OTUD7A: variants seen among roughly 807,000 people sequenced by gnomAD.
The protein encoded by OTUD7A is OTU domain-containing protein 7A.
A neutral mutation model predicts 65.7 loss-of-function variants in OTUD7A; 12 were observed. The observed-to-expected ratio is 0.18, with a 90% CI of 0.12 to 0.30. OTUD7A has a LOEUF of 0.30. OTUD7A is among the 10% of genes least tolerant of loss of function. The pLI is 1.00. For missense variants in OTUD7A, 1,148 were observed against 1,304.8 expected, an observed-to-expected ratio of 0.88 and a Z score of 1.85; for synonymous variants, 641 against 586.3, an observed-to-expected ratio of 1.09 and a Z score of -1.35.
chr15:31,805,842 T>G (rs1896256542), intron 1 of OTUD7A, among the ~76,000 whole-genome samples: 1 of 152,108 alleles, frequency 6.6e-6, no homozygotes, highest in Non-Finnish European at 1.5e-5. Flanking sequence ...ATTTAATCAA[T>G]TAACACAAAC....
At chr15:31,829,955 G>A (rs987273277) in intron 1 of OTUD7A, among the ~76,000 whole-genome samples, 6 of 152,102 alleles carry the variant, frequency 3.9e-5, no homozygotes, top group East Asian at 1.9e-4. Context: ...CCTTCTCTTT[G>A]TCTTTCTCAT....
chr15:31,559,172 C>T lies in OTUD7A; in HGVS notation c.347G>A (p.Arg116Gln), dbSNP rs1566919799. 4 of 1,613,108 alleles carry T rather than the reference C, an allele frequency of 2.5e-6. No homozygotes were observed. Among genetic ancestry groups the T allele is most frequent in the East Asian group, 2.2e-5 (1 of 44,878 alleles). ...DDIAQEKRLS[R>Q]GISHASSAIV... ...GGCTGAGCTGGCGTGGGAAATCCCCCGGGAAAGCCGCTTTTCTGCAGGGGG... is the reference window on the plus strand; with the variant it reads ...GGCTGAGCTGGCGTGGGAAATCCCCTGGGAAAGCCGCTTTTCTGCAGGGGG... Residue 116 changes from arginine to glutamine, a missense_variant, in exon 5 of 13, where the codon CGG becomes CAG. Arg to Gln is a conservative substitution (Grantham distance 43). Around this residue, in one of 6 missense-constraint regions of OTUD7A, gnomAD observed 134 missense variants for 252.6 expected, o/e 0.53. Coordinates refer to ENST00000307050, the MANE Select transcript of OTUD7A (RefSeq NM_001382637.1).
intron 3 of OTUD7A, among the ~76,000 whole-genome samples, chr15:31,619,393 T>C (rs528571187): frequency 6.6e-6 from 1 of 152,252 alleles, no homozygotes; most frequent in African/African-American, 2.4e-5. Flanking sequence ...ATATTGATTC[T>C]TCCTATCCAT....
intron 1 of OTUD7A, among the ~76,000 whole-genome samples, chr15:31,832,711 T>C (rs188767332): frequency 2.9e-4 from 44 of 152,362 alleles, no homozygotes; most frequent in African/African-American, 9.4e-4. Flanking sequence ...GTGTTTTTTG[T>C]GACTGGCTTA....
At chr15:31,625,054 T>A (rs903865158) in intron 3 of OTUD7A, among the ~76,000 whole-genome samples, 1 of 152,196 alleles carries the variant, frequency 6.6e-6, no homozygotes, top group African/African-American at 2.4e-5. Context: ...TGTCGCTTTA[T>A]CTCTCCCTCA....
chr15:31,740,376 G>GT (rs1894307975), intron 1 of OTUD7A, among the ~76,000 whole-genome samples: 1 of 151,928 alleles, frequency 6.6e-6, no homozygotes, highest in Non-Finnish European at 1.5e-5. Context: ...GCTGCCTCAT[G>GT]CTAGAGCTCA....
intron 3 of OTUD7A, among the ~76,000 whole-genome samples, chr15:31,640,049 T>G (rs1437640017): frequency 6.6e-6 from 1 of 152,236 alleles, no homozygotes; most frequent in East Asian, 1.9e-4. Context: ...TTATGGATTG[T>G]TCATGGGGTA....
chr15:31,820,600 T>C (rs1896654285), intron 1 of OTUD7A, among the ~76,000 whole-genome samples: 2 of 152,214 alleles, frequency 1.3e-5, no homozygotes, highest in Admixed American at 6.5e-5. Flanking sequence ...TTGCTCTCTC[T>C]GCCTGCCTGC....
At chr15:31,727,785 C>T (rs1893933626) in intron 1 of OTUD7A, among the ~76,000 whole-genome samples, 1 of 152,198 alleles carries the variant, frequency 6.6e-6, no homozygotes, top group Non-Finnish European at 1.5e-5. Context: ...ACATTCTCCT[C>T]TGTTGCTGCA....
At chr15:31,673,261 GA>G (rs1892524969) in intron 1 of OTUD7A, among the ~76,000 whole-genome samples, 1 of 152,150 alleles carries the variant, frequency 6.6e-6, no homozygotes, top group South Asian at 2.1e-4. Flanking sequence ...TCTAAATTTG[GA>G]CTAGTTTGTA....
intron 1 of OTUD7A, among the ~76,000 whole-genome samples, chr15:31,657,669 G>T (rs1034902415): frequency 1.3e-5 from 2 of 151,866 alleles, no homozygotes; most frequent in African/African-American, 4.8e-5. Context: ...CTTTCCAGAT[G>T]TATTTCTTAA....
intron 5 of OTUD7A, among the ~76,000 whole-genome samples, chr15:31,548,123 G>A (rs1014697455): frequency 6.7e-6 from 1 of 148,904 alleles, no homozygotes; most frequent in Non-Finnish European, 1.5e-5. Context: ...ACAGGACTTG[G>A]GGATCAGTCA....
chr15:31,754,419 A>T (rs1010581486), intron 1 of OTUD7A, among the ~76,000 whole-genome samples: 4 of 152,332 alleles, frequency 2.6e-5, no homozygotes, highest in African/African-American at 9.6e-5. Flanking sequence ...GCTCTTGGTC[A>T]TGAAATCCTT....
intron 1 of OTUD7A, among the ~76,000 whole-genome samples, chr15:31,769,490 T>C (rs1003249088): frequency 6.6e-6 from 1 of 152,184 alleles, no homozygotes; most frequent in Non-Finnish European, 1.5e-5. Flanking sequence ...GAAAACTTAG[T>C]TTTCCCAAAT....
rs772574742 is a variant in OTUD7A, at chr15:31,808,136, C to CACACACACACACACACAA, written c.-100+62370_-100+62371insTTGTGTGTGTGTGTGTGT. On this transcript the variant is annotated intron_variant, in intron 1 of 12. Coordinates refer to ENST00000307050, the MANE Select transcript of OTUD7A (RefSeq NM_001382637.1). ...ACACACACACACACACACACACACA[C>CACACACACACACACACAA]AAACAAATCCTCACCAGGTTTTTCC... Among the ~76,000 whole-genome samples, 218 of 119,484 alleles carry CACACACACACACACACAA rather than the reference C, an allele frequency of 1.8e-3. 2 individuals carry two copies. Among genetic ancestry groups the CACACACACACACACACAA allele is most frequent in the Middle Eastern group, 4.7e-3 (1 of 212 alleles). 78.4% of individuals were successfully genotyped at this position (119,484 alleles called of 152,430 possible).
intron 3 of OTUD7A, among the ~76,000 whole-genome samples, chr15:31,581,925 T>C (rs2141185357): frequency 1.3e-5 from 2 of 152,384 alleles, no homozygotes; most frequent in Middle Eastern, 6.8e-3. Context: ...ATTATCAGAC[T>C]GCAAATTTTC....
chr15:31,738,674 C>G (rs1401350550), intron 1 of OTUD7A, among the ~76,000 whole-genome samples: 1 of 152,206 alleles, frequency 6.6e-6, no homozygotes, highest in Non-Finnish European at 1.5e-5. Context: ...CTCTGCAGCT[C>G]TCTCCGCAAG....
intron 1 of OTUD7A, among the ~76,000 whole-genome samples, chr15:31,848,280 C>G (rs1897333931): frequency 6.6e-6 from 1 of 152,078 alleles, no homozygotes; most frequent in African/African-American, 2.4e-5. Context: ...CCCTGCTGGG[C>G]ACGCAGGGAG....
intron 1 of OTUD7A, among the ~76,000 whole-genome samples, chr15:31,734,337 AT>A (rs1303741442): frequency 6.6e-6 from 1 of 152,248 alleles, no homozygotes; most frequent in Non-Finnish European, 1.5e-5. Context: ...GCCCAAAGCA[AT>A]TTATAAATTC....
Sources: allele counts gnomAD v4.1 joint callset (sites outside exome capture counted in the v4.1 genomes callset), GRCh38; gene constraint gnomAD v4.1.1; regional missense constraint gnomAD v4.1.1; transcripts MANE v1.5; gene names NCBI Gene and HGNC (gene_info 2026-07-23, HGNC 2026-07-21).